The following PLEKHA5 variants were observed in gnomAD, a reference collection of about 807,000 sequenced individuals.
PLEKHA5 encodes pleckstrin homology domain containing A5.
Under a neutral mutation model 181.9 loss-of-function variants are expected in PLEKHA5, and 55 were observed. That is an observed-to-expected ratio of 0.30 (90% CI 0.24 to 0.38). The LOEUF is 0.38. Ranked by LOEUF, PLEKHA5 falls within the 10% of genes least tolerant of loss-of-function variation. The pLI, the probability that PLEKHA5 is intolerant of heterozygous loss-of-function variation, is 1.00. For synonymous variants in PLEKHA5, 535 were observed against 529.4 expected, an observed-to-expected ratio of 1.01 and a Z score of -0.15; for missense variants, 1,432 against 1,549.5, an observed-to-expected ratio of 0.92 and a Z score of 1.27.
Position 19,130,181 on chromosome 12 carries a change from G to A in PLEKHA5, c.169+51G>A, listed in dbSNP as rs1368918184. ...GGCTCCGCCTGGAGGAGGCGGCAGA[G>A]CCCGGGCCGCCCGGCTCCCCGCAAC... On this transcript the variant is annotated intron_variant, in intron 2 of 31. Transcript: ENST00000429027. This position sits in a 1 kb window ranked among gnomAD's most constrained non-coding sequence, Gnocchi z 4.5. 4.9e-6 allele frequency: 6 copies of A among 1,218,406 alleles called. No individual in the cohort carries two copies. Among genetic ancestry groups the A allele is most frequent in the Non-Finnish European group, 6.7e-6 (6 of 891,458 alleles). The allele number at this position is 1,218,406 out of a possible 1,614,324, so 75.5% of individuals were successfully genotyped here.
rs760769315 is a variant in PLEKHA5, at chr12:19,345,447, AT to A, written c.2663-392del. On this transcript the variant is annotated intron_variant, in intron 22 of 31. Transcript: ENST00000429027. Reference sequence around the variant, plus strand: ...TAAAAATAAATAAAAATAAAAATAAATTTAAAAAAAAATACATGAAATTGTT... The same window carrying A: ...TAAAAATAAATAAAAATAAAAATAAATTAAAAAAAAATACATGAAATTGTT... Among the ~76,000 whole-genome samples the A allele has an allele frequency of 3.7e-3, 561 of 149,732 alleles. 3 individuals carry two copies. Among genetic ancestry groups the A allele is most frequent in the African/African-American group, 0.012 (479 of 40,972 alleles).
At chr12:19,248,576 A>G (rs933786345) in intron 3 of PLEKHA5, among the ~76,000 whole-genome samples, 2 of 152,208 alleles carry the variant, frequency 1.3e-5, no homozygotes, top group African/African-American at 4.8e-5. Flanking sequence ...TATTCAATAC[A>G]GTAACATGCG....
At chr12:19,181,176 T>A (rs1368622276) in intron 3 of PLEKHA5, among the ~76,000 whole-genome samples, 1 of 152,244 alleles carries the variant, frequency 6.6e-6, no homozygotes, top group Non-Finnish European at 1.5e-5. Context: ...TATAGCACAT[T>A]GGATAGCCAC....
intron 3 of PLEKHA5, among the ~76,000 whole-genome samples, chr12:19,166,425 T>C (rs901255724): frequency 7.2e-5 from 11 of 152,214 alleles, no homozygotes; most frequent in South Asian, 2.1e-4. Context: ...CCTCTTTTTA[T>C]TTGAGTGTCT....
At chr12:19,256,640 A>G (rs942876716) in intron 5 of PLEKHA5, among the ~76,000 whole-genome samples, 1 of 152,232 alleles carries the variant, frequency 6.6e-6, no homozygotes, top group East Asian at 1.9e-4. Flanking sequence ...TTTCTTATAT[A>G]CTAATAAAAG....
intron 3 of PLEKHA5, among the ~76,000 whole-genome samples, chr12:19,167,141 A>C (rs1036874354): frequency 2.0e-5 from 3 of 152,138 alleles, no homozygotes; most frequent in Non-Finnish European, 4.4e-5. Flanking sequence ...TTTGTATAGA[A>C]AAGTGAAGAA....
chr12:19,163,092 C>G (rs573507017), intron 3 of PLEKHA5, among the ~76,000 whole-genome samples: 1 of 152,150 alleles, frequency 6.6e-6, no homozygotes, highest in South Asian at 2.1e-4. Flanking sequence ...TCCCTTCTCC[C>G]TTTTAAGCAG....
intron 3 of PLEKHA5, among the ~76,000 whole-genome samples, chr12:19,175,507 G>C (rs2046973347): frequency 6.6e-6 from 1 of 152,116 alleles, no homozygotes; most frequent in African/African-American, 2.4e-5. Flanking sequence ...TACTAATAAA[G>C]TTTTTATTTA....
At chr12:19,265,625 C>G in intron 7 of PLEKHA5, 125 bp from the exon 8 acceptor site, 1 of 600,158 alleles carries the variant, frequency 1.7e-6, no homozygotes, top group African/African-American at 1.9e-5. Context: ...TTATAAAGGC[C>G]TGCCTGAACA....
At chr12:19,302,298 C>A (rs555272420) in intron 15 of PLEKHA5, among the ~76,000 whole-genome samples, 2 of 152,254 alleles carry the variant, frequency 1.3e-5, no homozygotes, top group African/African-American at 4.8e-5. Context: ...CCACACTGTT[C>A]AAGAAAAAGG....
At chr12:19,157,842 A>G (rs2042109736) in intron 3 of PLEKHA5, among the ~76,000 whole-genome samples, 1 of 152,204 alleles carries the variant, frequency 6.6e-6, no homozygotes. Flanking sequence ...TACAATATAA[A>G]CAATAGGTCA....
At chr12:19,160,561 C>G (rs901038362) in intron 3 of PLEKHA5, among the ~76,000 whole-genome samples, 5 of 152,068 alleles carry the variant, frequency 3.3e-5, no homozygotes, top group African/African-American at 1.2e-4. Context: ...CTTTCAGTTT[C>G]CTTCCTATAC....
chr12:19,281,901 C>T (rs2076259923), intron 11 of PLEKHA5, among the ~76,000 whole-genome samples: 1 of 152,108 alleles, frequency 6.6e-6, no homozygotes, highest in South Asian at 2.1e-4. Context: ...CCTGCCTCAG[C>T]CTCCCAAGTA....
chr12:19,274,438 T>A (rs2073976742), intron 10 of PLEKHA5, 78 bp from the exon 11 acceptor site: 2 of 1,020,352 alleles, frequency 2.0e-6, no homozygotes, highest in Non-Finnish European at 2.9e-6. Flanking sequence ...TAAAGTATAA[T>A]TTTTCCTAGA....
chr12:19,202,002 C>T, intron 3 of PLEKHA5: 3 of 968,286 alleles, frequency 3.1e-6, no homozygotes, highest in Non-Finnish European at 3.7e-6. Flanking sequence ...GAGTTAGTAC[C>T]ACTTGCCTTG....
chr12:19,230,854 C>T (rs142711564), intron 3 of PLEKHA5, among the ~76,000 whole-genome samples: 4 of 152,312 alleles, frequency 2.6e-5, no homozygotes, highest in African/African-American at 4.8e-5. Flanking sequence ...GAGTGGGCGC[C>T]GAGGCCAAGG....
At chr12:19,324,070 G>T (rs1410220252) in intron 20 of PLEKHA5, among the ~76,000 whole-genome samples, 2 of 152,114 alleles carry the variant, frequency 1.3e-5, no homozygotes, top group Admixed American at 6.6e-5. Flanking sequence ...ATATAAAACT[G>T]CTCCCAAACC....
At chr12:19,310,773 G>T (rs1364476150) in intron 15 of PLEKHA5, among the ~76,000 whole-genome samples, 2 of 152,190 alleles carry the variant, frequency 1.3e-5, no homozygotes, top group East Asian at 1.9e-4. Context: ...GCTGGGCGTG[G>T]TTTTTTGTTT....
At chr12:19,266,695 G>A (rs2070549457) in intron 8 of PLEKHA5, among the ~76,000 whole-genome samples, 3 of 151,890 alleles carry the variant, frequency 2.0e-5, no homozygotes, top group African/African-American at 7.3e-5. Context: ...CAGGTGGGAG[G>A]ATCGCTTGAG....
Sources: allele counts gnomAD v4.1 joint callset (sites outside exome capture counted in the v4.1 genomes callset), GRCh38; gene constraint gnomAD v4.1.1; non-coding constraint Gnocchi (gnomAD v3.1); transcripts MANE v1.5; gene names NCBI Gene and HGNC (gene_info 2026-07-23, HGNC 2026-07-21).